LYRM7: variants seen among roughly 807,000 people sequenced by gnomAD.
The protein encoded by LYRM7 is LYR motif containing 7.
LYRM7 carries 9 observed loss-of-function variants against 15.8 expected under a neutral mutation model. The ratio of observed to expected loss-of-function variants is 0.57; its 90% CI spans 0.34 to 0.99. The LOEUF is 0.99. Ranked by LOEUF, LYRM7 falls within the 50% of genes least tolerant of loss-of-function variation. LYRM7 has a pLI of 0.02. For missense variants in LYRM7, 115 were observed against 119.1 expected (o/e 0.97, Z 0.16); for synonymous variants, 39 against 39.4 (o/e 0.99, Z 0.04).
intron 1 of LYRM7, among the ~76,000 whole-genome samples, chr5:131,173,780 TAAATAAAA>T (rs1323982566): frequency 3.3e-5 from 5 of 152,218 alleles, no homozygotes; most frequent in African/African-American, 4.8e-5. Flanking sequence ...GTACATACCT[TAAATAAAA>T]AAATACTTTT....
chr5:131,170,957 A>G lies in LYRM7; in HGVS notation c.-64A>G. The G allele has an allele frequency of 6.6e-7, 1 of 1,525,840 alleles. No homozygotes were observed. Among genetic ancestry groups the G allele is most frequent in the Non-Finnish European group, 8.8e-7 (1 of 1,142,554 alleles). 94.5% of individuals were successfully genotyped at this position (1,525,840 alleles called of 1,614,324 possible). ...GGGGCTGGAAACAGTTCAGTCTTTG[A>G]TTGGTTGCTGAGAGGCGGGGCTACT... On this transcript the variant is annotated 5_prime_UTR_variant, in exon 1 of 5. Transcript: ENST00000379380.
chr5:131,181,165 C>T, intron 2 of LYRM7, among the ~76,000 whole-genome samples: 1 of 145,176 alleles, frequency 6.9e-6, no homozygotes, highest in East Asian at 2.1e-4. Flanking sequence ...GTGGCACACA[C>T]CTGTAATCCC....
At chr5:131,197,846 CTGTGTGTGTGTGTGTG>C (rs56146861) in intron 4 of LYRM7, among the ~76,000 whole-genome samples, 10,899 of 143,340 alleles carry the variant, frequency 0.076, 846 homozygotes, top group African/African-American at 0.2. Flanking sequence ...CATCTGGCCA[CTGTGTGTGTGTGTGTG>C]TGTGTGTGTG....
At chr5:131,181,292 A>ATATATAT (rs1181892950) in intron 2 of LYRM7, among the ~76,000 whole-genome samples, 3 of 16,106 alleles carry the variant, frequency 1.9e-4, no homozygotes, top group Non-Finnish European at 3.1e-4. Context: ...AAAAAAAAAA[A>ATATATAT]AAAAAAAAAA....
chr5:131,171,710 A>T (rs936719365), intron 1 of LYRM7: 1 of 152,194 alleles, frequency 6.6e-6, no homozygotes, highest in African/African-American at 2.4e-5. Context: ...AGCATGGCCA[A>T]TTGGGATCTG....
rs1276304946 is a variant in LYRM7 at position 131,179,455 on chromosome 5, CTTTT to C, written c.19-626_19-623del. On this transcript the variant is annotated intron_variant, in intron 1 of 4. Transcript: ENST00000379380. Reference sequence around the variant, plus strand: ...CTGATTTTCTTTTTCTTTTTCTTTTCTTTTTTTTTTTTTTTTTCTTTTTTTTTTT... The same window carrying C: ...CTGATTTTCTTTTTCTTTTTCTTTTCTTTTTTTTTTTTTCTTTTTTTTTTT... 5.2e-5 allele frequency among the ~76,000 whole-genome samples: 5 copies of C among 95,358 alleles called. No homozygotes were observed. In the East Asian group the frequency reaches 1.2e-3, roughly 22 times the overall value. 62.6% of individuals were successfully genotyped at this position (95,358 alleles called of 152,430 possible).
intron 1 of LYRM7, among the ~76,000 whole-genome samples, chr5:131,179,400 G>A (rs1755652529): frequency 6.8e-6 from 1 of 147,190 alleles, no homozygotes; most frequent in Non-Finnish European, 1.5e-5. Flanking sequence ...TGTGTGAAAT[G>A]TGAAATGTTT....
chr5:131,184,602 A>C (rs566266256), intron 3 of LYRM7, among the ~76,000 whole-genome samples: 1 of 148,892 alleles, frequency 6.7e-6, no homozygotes, highest in Non-Finnish European at 1.5e-5. Context: ...TCCAATGTGC[A>C]ACTCTGTTAT....
chr5:131,196,372 C>CA (rs970771754), intron 4 of LYRM7, among the ~76,000 whole-genome samples: 9 of 150,048 alleles, frequency 6.0e-5, no homozygotes, highest in Non-Finnish European at 8.9e-5. Flanking sequence ...ATGTACCAAG[C>CA]AAAAAAAAAG....
At chr5:131,172,255 G>A (rs1287676253) in intron 1 of LYRM7, among the ~76,000 whole-genome samples, 3 of 152,056 alleles carry the variant, frequency 2.0e-5, no homozygotes, top group Non-Finnish European at 4.4e-5. Context: ...CTCTACTAAA[G>A]ATACAAAAAT....
intron 1 of LYRM7, 92 bp from the exon 2 acceptor site, chr5:131,180,003 C>A: frequency 1.2e-6 from 1 of 854,562 alleles, no homozygotes; most frequent in Non-Finnish European, 1.9e-6. Flanking sequence ...AACTCCTGGG[C>A]TAAAGCGATC....
chr5:131,188,905 G>A (rs1035934737), intron 4 of LYRM7, among the ~76,000 whole-genome samples: 17 of 152,158 alleles, frequency 1.1e-4, no homozygotes, highest in African/African-American at 4.1e-4. Flanking sequence ...CCTGCACTTT[G>A]GGAGGCCGAG....
In LYRM7 at chr5:131,175,197, C is replaced by CTTT. The variant is rs59140330; in HGVS notation, c.18+4175_18+4177dup. Among the ~76,000 whole-genome samples the CTTT allele has an allele frequency of 7.4e-4, 93 of 125,608 alleles. 2 individuals are homozygous for CTTT. Among genetic ancestry groups the CTTT allele is most frequent in the Middle Eastern group, 4.1e-3 (1 of 246 alleles). The allele number at this position is 125,608 out of a possible 152,430, so 82.4% of individuals were successfully genotyped here. A position where few individuals can be genotyped will look rare whatever the true frequency, so the allele number is the denominator to read the frequency against. Reference sequence around the variant, plus strand: ...AACTCAAAGTCACCAGCTTCAATCTCTTTTTTTTTTTTTTTTTTGGTGATG... The same window carrying CTTT: ...AACTCAAAGTCACCAGCTTCAATCTCTTTTTTTTTTTTTTTTTTTTTGGTGATG... On this transcript the variant is annotated intron_variant, in intron 1 of 4. Transcript: ENST00000379380.
rs903973936 is a variant in LYRM7, at chr5:131,201,671, A to C, written c.*2070A>C. The C allele has an allele frequency of 2.6e-5, 4 of 152,444 alleles. No homozygotes were observed. The highest frequency in any genetic ancestry group is 4.8e-5 in the African/African-American group (2 of 41,454). The allele number at this position is 152,444 out of a possible 1,614,324, so 9.4% of individuals were successfully genotyped here. ...GAGACGGAGGTTGCAGTGAGCCGAG[A>C]TCGCACCATTGCACTCCAGCCTAGG... is the stretch of plus-strand genomic sequence containing the variant. On this transcript the variant is annotated 3_prime_UTR_variant, in exon 5 of 5. Transcript: ENST00000379380.
At position 131,199,573 on chromosome 5, in the gene LYRM7, AT is replaced by A; in HGVS notation, c.289del (p.Cys97ValfsTer43). 1 of 1,605,260 alleles carries A rather than the reference AT, an allele frequency of 6.2e-7. No individual in the cohort carries two copies. Among genetic ancestry groups the A allele is most frequent in the Non-Finnish European group, 8.5e-7 (1 of 1,176,056 alleles). On this transcript the variant is annotated frameshift_variant, in exon 5 of 5. Transcript: ENST00000379380. LOFTEE classifies it high-confidence loss of function. ...GACCTTCTTGTAGAAAATGTGCCAT[AT>A]TGTGATGCACCAACTCAGAAGCAAT... ...RKDLLVENVP[Y>X]CDAPTQKQ
intron 3 of LYRM7, among the ~76,000 whole-genome samples, chr5:131,184,694 C>T (rs1034883544): frequency 1.3e-5 from 2 of 151,372 alleles, no homozygotes; most frequent in East Asian, 3.9e-4. Context: ...CTTCTCTGGA[C>T]CCGCCTAATC....
At chr5:131,190,274 C>T (rs926076982) in intron 4 of LYRM7, among the ~76,000 whole-genome samples, 16 of 152,148 alleles carry the variant, frequency 1.1e-4, no homozygotes, top group African/African-American at 3.9e-4. Flanking sequence ...CGTCTCACTG[C>T]AACCTCTGCC....
chr5:131,201,401 A>G lies in LYRM7; in HGVS notation c.*1800A>G, dbSNP rs990108677. ...AGATATGATATTGTACTTTCATGCCATAAGACTACACAATAAAGTTCCTGA... is the reference window on the plus strand; with the variant it reads ...AGATATGATATTGTACTTTCATGCCGTAAGACTACACAATAAAGTTCCTGA... On this transcript the variant is annotated 3_prime_UTR_variant, in exon 5 of 5. Coordinates refer to ENST00000379380, the MANE Select transcript of LYRM7 (RefSeq NM_181705.4). 1.3e-5 allele frequency: 2 copies of G among 151,858 alleles called. No individual in the cohort carries two copies. Among genetic ancestry groups the G allele is most frequent in the Non-Finnish European group, 2.9e-5 (2 of 67,994 alleles). The allele number at this position is 151,858 out of a possible 1,614,324, so 9.4% of individuals were successfully genotyped here. A position where few individuals can be genotyped will look rare whatever the true frequency, so the allele number is the denominator to read the frequency against.
At chr5:131,182,011 G>A (rs1755720964) in intron 2 of LYRM7, among the ~76,000 whole-genome samples, 1 of 152,106 alleles carries the variant, frequency 6.6e-6, no homozygotes, top group Non-Finnish European at 1.5e-5. Context: ...ATATTAGAGT[G>A]CCAAAGGTTT....
Sources: allele counts gnomAD v4.1 joint callset (sites outside exome capture counted in the v4.1 genomes callset), GRCh38; gene constraint gnomAD v4.1.1; transcripts MANE v1.5; gene names NCBI Gene and HGNC (gene_info 2026-07-23, HGNC 2026-07-21).